The following MTA3 variants were observed in gnomAD, a reference collection of about 807,000 sequenced individuals.
MTA3 encodes the protein metastasis-associated protein MTA3.
A neutral mutation model predicts 83.5 loss-of-function variants in MTA3; 34 were observed. That is an observed-to-expected ratio of 0.41 (90% CI 0.31 to 0.54). The LOEUF is 0.54. Among genes scored for constraint, MTA3 ranks in the 20% least tolerant of loss-of-function variants. MTA3 has a pLI of 0.33. For synonymous variants in MTA3, 303 were observed against 252.7 expected, an observed-to-expected ratio of 1.20 and a Z score of -1.89; for missense variants, 761 against 726.4, an observed-to-expected ratio of 1.05 and a Z score of -0.55.
chr2:42,536,409 A>C (rs549877751), intron 2 of MTA3, among the ~76,000 whole-genome samples: 20 of 152,004 alleles, frequency 1.3e-4, no homozygotes, highest in African/African-American at 4.6e-4. Context: ...TGGGAGGCGG[A>C]GGTTGCAGTG....
At position 42,753,908 on chromosome 2, in the gene MTA3, G is replaced by A. The variant is rs1670065798; in HGVS notation, c.*509G>A. ...AGGTTCAAGGTATTTCCCTGTCCTT[G>A]CTGTTACCGTCACTCAGCTTTTTCT... is the stretch of plus-strand genomic sequence containing the variant. On this transcript the variant is annotated 3_prime_UTR_variant, in exon 17 of 17. Coordinates refer to ENST00000405094, the MANE Select transcript of MTA3 (RefSeq NM_001330442.2). The A allele has an allele frequency of 2.0e-6, 2 of 985,840 alleles. No homozygotes were observed. Among genetic ancestry groups the A allele is most frequent in the Non-Finnish European group, 2.4e-6 (2 of 830,354 alleles). 61.1% of individuals were successfully genotyped at this position (985,840 alleles called of 1,614,324 possible). A position where few individuals can be genotyped will look rare whatever the true frequency, so the allele number is the denominator to read the frequency against.
chr2:42,679,789 A>G (rs1691704297), intron 8 of MTA3, among the ~76,000 whole-genome samples: 1 of 151,896 alleles, frequency 6.6e-6, no homozygotes, highest in African/African-American at 2.4e-5. Context: ...ATAGTTCCTC[A>G]TCAGACAAAC....
chr2:42,602,232 C>T (rs1300676808), intron 3 of MTA3, among the ~76,000 whole-genome samples: 1 of 152,200 alleles, frequency 6.6e-6, no homozygotes, highest in African/African-American at 2.4e-5. Context: ...CTGCCTCGGC[C>T]TCCTGAAGTG....
intron 8 of MTA3, among the ~76,000 whole-genome samples, chr2:42,677,899 C>T (rs1691529640): frequency 1.3e-5 from 2 of 152,174 alleles, no homozygotes; most frequent in Admixed American, 1.3e-4. Flanking sequence ...AAATATCTTA[C>T]TGTACTATAT....
chr2:42,599,371 G>A (rs1340074548), intron 3 of MTA3, among the ~76,000 whole-genome samples: 1 of 152,136 alleles, frequency 6.6e-6, no homozygotes, highest in Non-Finnish European at 1.5e-5. Flanking sequence ...GAGGCGGGTG[G>A]ATCACAAGGT....
At chr2:42,612,305 C>A (rs1393637772) in intron 4 of MTA3, among the ~76,000 whole-genome samples, 1 of 152,086 alleles carries the variant, frequency 6.6e-6, no homozygotes, top group Admixed American at 6.6e-5. Context: ...GCCTTAAACT[C>A]CTGGGCTCAA....
intron 4 of MTA3, among the ~76,000 whole-genome samples, chr2:42,618,861 T>C (rs1444176603): frequency 6.6e-6 from 1 of 152,180 alleles, no homozygotes; most frequent in African/African-American, 2.4e-5. Context: ...TCCTCTTGCC[T>C]CGGCCTCCCA....
At chr2:42,702,125 C>T (rs1485375848) in intron 11 of MTA3, among the ~76,000 whole-genome samples, 1 of 152,098 alleles carries the variant, frequency 6.6e-6, no homozygotes, top group Non-Finnish European at 1.5e-5. Flanking sequence ...GCAGGAGAAT[C>T]GCTTGAACCT....
chr2:42,650,479 A>C (rs1250135193), intron 6 of MTA3, among the ~76,000 whole-genome samples: 1 of 151,806 alleles, frequency 6.6e-6, no homozygotes, highest in East Asian at 1.9e-4. Flanking sequence ...TTACTCTGTC[A>C]CCCAGGCTGG....
chr2:42,615,598 C>T (rs538943648), intron 4 of MTA3, among the ~76,000 whole-genome samples: 4 of 152,030 alleles, frequency 2.6e-5, no homozygotes, highest in East Asian at 3.9e-4. Flanking sequence ...TTGTGATCCG[C>T]CCACCTCGGC....
chr2:42,641,465 A>G (rs1022794204), intron 5 of MTA3, among the ~76,000 whole-genome samples: 4 of 152,140 alleles, frequency 2.6e-5, no homozygotes, highest in African/African-American at 9.7e-5. Flanking sequence ...GGATTATAAT[A>G]TGGATAATGA....
chr2:42,550,150 G>C (rs535981208), intron 2 of MTA3, among the ~76,000 whole-genome samples: 1 of 152,078 alleles, frequency 6.6e-6, no homozygotes, highest in Non-Finnish European at 1.5e-5. Context: ...AGGTTGCTAA[G>C]ATCTACCATA....
intron 2 of MTA3, among the ~76,000 whole-genome samples, chr2:42,510,769 C>T (rs898740318): frequency 1.3e-5 from 2 of 152,110 alleles, no homozygotes; most frequent in African/African-American, 4.8e-5. Context: ...GCCTTGAGCC[C>T]AGACAGGAAG....
intron 8 of MTA3, among the ~76,000 whole-genome samples, chr2:42,681,902 G>GA (rs113382504): frequency 0.016 from 2,209 of 140,652 alleles, 54 homozygotes; most frequent in African/African-American, 0.053. Context: ...AAAAAAGAAA[G>GA]AAAAAAAAAA....
intron 16 of MTA3, among the ~76,000 whole-genome samples, chr2:42,741,658 C>T (rs1420976034): frequency 1.3e-5 from 2 of 152,060 alleles, no homozygotes; most frequent in African/African-American, 4.8e-5. Flanking sequence ...TCAGAGGACA[C>T]ATAGCATTTT....
intron 2 of MTA3, among the ~76,000 whole-genome samples, chr2:42,560,015 G>C (rs1174211014): frequency 6.6e-6 from 1 of 151,812 alleles, no homozygotes; most frequent in Admixed American, 6.6e-5. Context: ...TTCTCTTCCT[G>C]AGGGTTCATA....
chr2:42,727,104 A>C (rs1184078141), intron 16 of MTA3, among the ~76,000 whole-genome samples: 1 of 152,184 alleles, frequency 6.6e-6, no homozygotes, highest in East Asian at 1.9e-4. Flanking sequence ...GGGCTGAGGC[A>C]GAAGCATTGC....
At chr2:42,623,568 T>A (rs1487380371) in intron 4 of MTA3, among the ~76,000 whole-genome samples, 1 of 152,204 alleles carries the variant, frequency 6.6e-6, no homozygotes, top group Non-Finnish European at 1.5e-5. Flanking sequence ...TTTCCTTCTC[T>A]TTCTTTTTCC....
At chr2:42,748,243 T>TGTGTG (rs771046809) in intron 16 of MTA3, among the ~76,000 whole-genome samples, 165 of 84,228 alleles carry the variant, frequency 2.0e-3, no homozygotes, top group Non-Finnish European at 1.9e-3. Flanking sequence ...GTGTGTGTGT[T>TGTGTG]TTAGTAGAGA....
Sources: gnomAD v4.1 joint callset for allele counts (sites outside exome capture counted in the v4.1 genomes callset) on GRCh38, gnomAD v4.1.1 for gene constraint, MANE v1.5 for transcripts, NCBI Gene and HGNC (gene_info 2026-07-23, HGNC 2026-07-21) for gene names.